The following SNX30 variants were observed in gnomAD, a reference collection of about 807,000 sequenced individuals.
SNX30 encodes sorting nexin family member 30, also known as sorting nexin-30.
In SNX30, 24 loss-of-function variants were observed where a neutral mutation model predicts 46.4. That is an observed-to-expected ratio of 0.52 (90% CI 0.37 to 0.73). The LOEUF (loss-of-function observed/expected upper bound fraction) is 0.73, where lower values mean the gene tolerates loss of function less well. Ranked by LOEUF, SNX30 falls within the 30% of genes least tolerant of loss-of-function variation. The pLI is 0.00. For synonymous variants in SNX30, 189 were observed against 211.5 expected, an observed-to-expected ratio of 0.89 and a Z score of 0.92; for missense variants, 533 against 555.7, an observed-to-expected ratio of 0.96 and a Z score of 0.41.
chr9:112,780,259 CA>C (rs1477527643), intron 1 of SNX30, among the ~76,000 whole-genome samples: 1 of 152,108 alleles, frequency 6.6e-6, no homozygotes, highest in Non-Finnish European at 1.5e-5. Flanking sequence ...CAATCACAGC[CA>C]AAAGTCCCTT....
At chr9:112,758,804 A>G (rs2131348008) in intron 1 of SNX30, among the ~76,000 whole-genome samples, 1 of 152,194 alleles carries the variant, frequency 6.6e-6, no homozygotes, top group East Asian at 1.9e-4. Context: ...GGAGGCCAGG[A>G]GTTTGAGACC....
At chr9:112,787,733 G>A (rs764562233) in intron 1 of SNX30, among the ~76,000 whole-genome samples, 6 of 151,570 alleles carry the variant, frequency 4.0e-5, no homozygotes, top group Non-Finnish European at 7.4e-5. Context: ...GGTGCCTATG[G>A]GTTTCAGAGA....
chr9:112,813,629 A>G (rs1840353376), intron 2 of SNX30, among the ~76,000 whole-genome samples: 1 of 152,024 alleles, frequency 6.6e-6, no homozygotes, highest in Admixed American at 6.6e-5. Context: ...ATGCACCACC[A>G]TGCCTGGCTA....
At chr9:112,817,401 C>CTTTTTTTGTTTTTTTTTTT (rs1840414732) in intron 2 of SNX30, among the ~76,000 whole-genome samples, 1 of 46,832 alleles carries the variant, frequency 2.1e-5, no homozygotes, top group Non-Finnish European at 3.4e-5. Context: ...AAAAAACTGG[C>CTTTTTTTGTTTTTTTTTTT]TTTTTTTTTT....
chr9:112,855,493 A>C (rs1465532557), intron 7 of SNX30, among the ~76,000 whole-genome samples: 1 of 152,134 alleles, frequency 6.6e-6, no homozygotes, highest in Non-Finnish European at 1.5e-5. Context: ...GTGGCATCAA[A>C]ATCTGATCAC....
chr9:112,826,576 T>C (rs1053679941), intron 3 of SNX30, among the ~76,000 whole-genome samples: 1 of 151,962 alleles, frequency 6.6e-6, no homozygotes, highest in African/African-American at 2.4e-5. Context: ...AACAAATGGG[T>C]CAAGGACACA....
At chr9:112,803,776 A>G (rs1840175034) in intron 1 of SNX30, among the ~76,000 whole-genome samples, 1 of 9,382 alleles carries the variant, frequency 1.1e-4, no homozygotes, top group East Asian at 1.4e-3. Flanking sequence ...CTGCTGTGCT[A>G]GCAATCAGCG....
chr9:112,789,420 T>C (rs796944530), intron 1 of SNX30, among the ~76,000 whole-genome samples: 10 of 152,350 alleles, frequency 6.6e-5, no homozygotes, highest in African/African-American at 2.2e-4. Flanking sequence ...CATGGAGCTC[T>C]GTTCATAGCC....
chr9:112,768,028 ACTGTAGCCAGAATCCAC>A (rs1052091788), intron 1 of SNX30, among the ~76,000 whole-genome samples: 6 of 152,296 alleles, frequency 3.9e-5, no homozygotes, highest in African/African-American at 1.4e-4. Context: ...TGTTCTGAGT[ACTGTAGCCAGAATCCAC>A]CTTCATAAAG....
At chr9:112,849,744 G>T (rs1157908428) in intron 6 of SNX30, among the ~76,000 whole-genome samples, 16 of 152,218 alleles carry the variant, frequency 1.1e-4, no homozygotes, top group Non-Finnish European at 1.5e-4. Flanking sequence ...CACAGGCAGG[G>T]ATATGGGGTG....
chr9:112,813,510 C>T (rs1367315620), intron 2 of SNX30, among the ~76,000 whole-genome samples: 1 of 148,394 alleles, frequency 6.7e-6, no homozygotes, highest in African/African-American at 2.5e-5. Flanking sequence ...ACTCTGTCGC[C>T]CAGGCTGGAG....
intron 4 of SNX30, among the ~76,000 whole-genome samples, chr9:112,833,639 C>T (rs1840703687): frequency 6.6e-6 from 1 of 152,132 alleles, no homozygotes; most frequent in Non-Finnish European, 1.5e-5. Context: ...TAACTTTATT[C>T]AACATGTAAA....
downstream of SNX30, chr9:112,879,938 C>G: frequency 1.1e-6 from 1 of 883,478 alleles, no homozygotes; most frequent in Non-Finnish European, 1.8e-6. Context: ...CATAGGTAGG[C>G]ATTGACCAAG....
intron 1 of SNX30, among the ~76,000 whole-genome samples, chr9:112,791,215 C>T (rs1445302159): frequency 1.3e-5 from 2 of 151,978 alleles, no homozygotes; most frequent in East Asian, 3.8e-4. Flanking sequence ...CCTGTTCCCC[C>T]TACCTGTAGC....
At chr9:112,816,569 GA>G (rs1840398910) in intron 2 of SNX30, among the ~76,000 whole-genome samples, 1 of 152,214 alleles carries the variant, frequency 6.6e-6, no homozygotes, top group Non-Finnish European at 1.5e-5. Context: ...GTCCAAGAAT[GA>G]GTCCTTGAAC....
intron 6 of SNX30, among the ~76,000 whole-genome samples, chr9:112,840,808 C>T (rs929246617): frequency 7.1e-6 from 1 of 140,136 alleles, no homozygotes; most frequent in African/African-American, 2.7e-5. Context: ...GAGACGGAGT[C>T]CTGCTCTGTC....
chr9:112,820,929 C>G lies in SNX30; in HGVS notation c.459+3114C>G, dbSNP rs111993739. Reference sequence around the variant, plus strand: ...TAATACCACATTTTGTCTATTCACCCTTGATGGACGTTTTGGTTGTTTCAC... The same window carrying G: ...TAATACCACATTTTGTCTATTCACCGTTGATGGACGTTTTGGTTGTTTCAC... On this transcript the variant is annotated intron_variant, in intron 3 of 8. Coordinates refer to ENST00000374232, the MANE Select transcript of SNX30 (RefSeq NM_001012994.2). Among the ~76,000 whole-genome samples the G allele has an allele frequency of 5.4e-3, 827 of 152,228 alleles. 8 individuals are homozygous for G. The highest frequency in any genetic ancestry group is 0.019 in the African/African-American group (788 of 41,522).
chr9:112,868,341 A>G (rs1240490447), intron 8 of SNX30, among the ~76,000 whole-genome samples: 1 of 152,200 alleles, frequency 6.6e-6, no homozygotes, highest in Non-Finnish European at 1.5e-5. Flanking sequence ...CACCCGCTCC[A>G]AGTCAGGTGC....
intron 3 of SNX30, among the ~76,000 whole-genome samples, chr9:112,826,497 G>T (rs189616837): frequency 6.6e-6 from 1 of 152,276 alleles, no homozygotes; most frequent in African/African-American, 2.4e-5. Flanking sequence ...TAGATTCTGG[G>T]AATAGAGCTG....
Sources: allele counts gnomAD v4.1 joint callset (sites outside exome capture counted in the v4.1 genomes callset), GRCh38; gene constraint gnomAD v4.1.1; transcripts MANE v1.5; gene names NCBI Gene and HGNC (gene_info 2026-07-23, HGNC 2026-07-21).